NELL1: variants seen among roughly 807,000 people sequenced by gnomAD.
The protein encoded by NELL1 is protein kinase C-binding protein NELL1.
Under a neutral mutation model 107.4 loss-of-function variants are expected in NELL1, and 76 were observed. The observed-to-expected ratio is 0.71, with a 90% CI of 0.59 to 0.86. NELL1 has a LOEUF of 0.86. NELL1 is among the 40% of genes least tolerant of loss of function. The pLI, the probability that NELL1 is intolerant of heterozygous loss-of-function variation, is 0.00. For synonymous variants in NELL1, 353 were observed against 341.2 expected, an observed-to-expected ratio of 1.03 and a Z score of -0.38; for missense variants, 1,024 against 1,005.5, an observed-to-expected ratio of 1.02 and a Z score of -0.25.
At chr11:21,330,299 T>A (rs180734799) in intron 14 of NELL1, among the ~76,000 whole-genome samples, 3 of 152,276 alleles carry the variant, frequency 2.0e-5, no homozygotes. Flanking sequence ...AAAAATTGCT[T>A]AATTACCTTT....
At chr11:21,207,393 G>A (rs948197466) in intron 13 of NELL1, among the ~76,000 whole-genome samples, 3 of 152,046 alleles carry the variant, frequency 2.0e-5, no homozygotes, top group Non-Finnish European at 4.4e-5. Flanking sequence ...CTCTTTGCAG[G>A]ATGCCATGAA....
chr11:21,186,143 G>C (rs1856930170), intron 13 of NELL1, among the ~76,000 whole-genome samples: 1 of 151,768 alleles, frequency 6.6e-6, no homozygotes, highest in Admixed American at 6.6e-5. Flanking sequence ...ACTGAGCTTA[G>C]GTCACATGAT....
At chr11:21,573,094 A>G in intron 18 of NELL1, 91 bp from the exon 19 acceptor site, 2 of 938,788 alleles carry the variant, frequency 2.1e-6, no homozygotes, top group South Asian at 3.1e-5. Flanking sequence ...CAGTGATGAG[A>G]ATTACTGTGC....
chr11:21,384,951 T>C (rs1851705652), intron 15 of NELL1, among the ~76,000 whole-genome samples: 1 of 152,010 alleles, frequency 6.6e-6, no homozygotes, highest in African/African-American at 2.4e-5. Context: ...TTTTTTAATG[T>C]ATTTACTTTC....
At chr11:21,283,316 A>T (rs1267003719) in intron 14 of NELL1, among the ~76,000 whole-genome samples, 1 of 152,092 alleles carries the variant, frequency 6.6e-6, no homozygotes, top group Non-Finnish European at 1.5e-5. Context: ...ACCCACAAAA[A>T]TTAAAAATAA....
At chr11:20,881,693 T>A (rs941676059) in intron 4 of NELL1, among the ~76,000 whole-genome samples, 1 of 152,206 alleles carries the variant, frequency 6.6e-6, no homozygotes, top group Non-Finnish European at 1.5e-5. Flanking sequence ...TCTCTGACTA[T>A]GGCAGGCAGA....
At chr11:20,806,883 TTC>T (rs1857396009) in intron 3 of NELL1, among the ~76,000 whole-genome samples, 1 of 152,184 alleles carries the variant, frequency 6.6e-6, no homozygotes, top group Non-Finnish European at 1.5e-5. Flanking sequence ...ACTCCAGAAT[TTC>T]TGTTTGATTC....
chr11:20,996,703 G>C (rs1474032096), intron 12 of NELL1, among the ~76,000 whole-genome samples: 1 of 152,220 alleles, frequency 6.6e-6, no homozygotes. Flanking sequence ...TTTTCTGTGG[G>C]CATGGGAGTC....
chr11:21,023,788 G>A (rs117795527), intron 12 of NELL1, among the ~76,000 whole-genome samples: 6,204 of 152,152 alleles, frequency 0.041, 182 homozygotes, highest in Middle Eastern at 0.12. Context: ...CAGGTGCCTG[G>A]TGTGGTGTCA....
At chr11:21,174,311 CA>C (rs1338301706) in intron 13 of NELL1, among the ~76,000 whole-genome samples, 2 of 151,848 alleles carry the variant, frequency 1.3e-5, no homozygotes, top group Non-Finnish European at 1.5e-5. Context: ...ATATTTCCCA[CA>C]AAATATATGT....
At chr11:20,818,406 C>CTTTTTTT (rs57318040) in intron 3 of NELL1, among the ~76,000 whole-genome samples, 18 of 108,684 alleles carry the variant, frequency 1.7e-4, no homozygotes, top group African/African-American at 4.6e-4. Flanking sequence ...GCAACCCCTG[C>CTTTTTTT]TTTTTTTTTT....
At chr11:21,143,123 T>C (rs1052889592) in intron 13 of NELL1, among the ~76,000 whole-genome samples, 1 of 152,178 alleles carries the variant, frequency 6.6e-6, no homozygotes, top group African/African-American at 2.4e-5. Context: ...CAAACTCCCA[T>C]TTTACACCTT....
At chr11:20,871,905 G>C (rs984050069) in intron 4 of NELL1, among the ~76,000 whole-genome samples, 62 of 149,996 alleles carry the variant, frequency 4.1e-4, no homozygotes, top group African/African-American at 1.2e-3. Flanking sequence ...TGTAGTCCCA[G>C]CTACTCAGGA....
At chr11:21,145,705 G>T (rs1855963189) in intron 13 of NELL1, among the ~76,000 whole-genome samples, 1 of 152,010 alleles carries the variant, frequency 6.6e-6, no homozygotes, top group South Asian at 2.1e-4. Flanking sequence ...GGGTTCTGGG[G>T]GCCCGTCCTT....
intron 13 of NELL1, among the ~76,000 whole-genome samples, chr11:21,144,944 G>T (rs1855944993): frequency 6.6e-6 from 1 of 152,058 alleles, no homozygotes; most frequent in Non-Finnish European, 1.5e-5. Flanking sequence ...TCACATATTG[G>T]CATGTACCTT....
chr11:21,517,474 G>A (rs183984804), intron 15 of NELL1, among the ~76,000 whole-genome samples: 143 of 152,220 alleles, frequency 9.4e-4, no homozygotes, highest in Non-Finnish European at 6.2e-4. Context: ...GAACATGTAC[G>A]CTCTCTAGTT....
chr11:20,872,576 T>A (rs1301256563), intron 4 of NELL1, among the ~76,000 whole-genome samples: 3 of 152,030 alleles, frequency 2.0e-5, no homozygotes, highest in African/African-American at 7.2e-5. Context: ...GTTTGGGAAT[T>A]GCCAAGAGAC....
intron 13 of NELL1, among the ~76,000 whole-genome samples, chr11:21,152,067 CAG>C (rs1856129858): frequency 6.6e-6 from 1 of 152,174 alleles, no homozygotes; most frequent in Non-Finnish European, 1.5e-5. Flanking sequence ...CCTGGAATAT[CAG>C]AGTGTTTAGG....
intron 17 of NELL1, among the ~76,000 whole-genome samples, chr11:21,569,666 T>TA (rs1225467346): frequency 6.6e-6 from 1 of 151,840 alleles, no homozygotes; most frequent in Non-Finnish European, 1.5e-5. Flanking sequence ...TGTTTGGAGT[T>TA]CTGTTATTAC....
Sources: allele counts gnomAD v4.1 joint callset (sites outside exome capture counted in the v4.1 genomes callset), GRCh38; gene constraint gnomAD v4.1.1; transcripts MANE v1.5; gene names NCBI Gene and HGNC (gene_info 2026-07-23, HGNC 2026-07-21).